Variants in KCNQ5 observed in about 807,000 individuals in gnomAD.
The protein encoded by KCNQ5 is potassium voltage-gated channel subfamily KQT member 5.
In KCNQ5, 30 loss-of-function variants were observed where a neutral mutation model predicts 98.2. The ratio of observed to expected loss-of-function variants is 0.31; its 90% confidence interval spans 0.23 to 0.41. The LOEUF (loss-of-function observed/expected upper bound fraction) is 0.41. Among genes scored for constraint, KCNQ5 ranks in the 10% least tolerant of loss-of-function variants. The pLI is 1.00. For synonymous variants in KCNQ5, 458 were observed against 449.4 expected, an observed-to-expected ratio of 1.02 and a Z score of -0.24; for missense variants, 835 against 1,182.5, an observed-to-expected ratio of 0.71 and a Z score of 4.31.
At chr6:72,878,734 T>C (rs932206729) in intron 1 of KCNQ5, among the ~76,000 whole-genome samples, 4 of 152,320 alleles carry the variant, frequency 2.6e-5, no homozygotes, top group South Asian at 2.1e-4. Context: ...ACCTTTAAAT[T>C]AGATTTTATT....
intron 1 of KCNQ5, among the ~76,000 whole-genome samples, chr6:72,879,899 G>A (rs1353590191): frequency 6.6e-6 from 1 of 152,034 alleles, no homozygotes; most frequent in African/African-American, 2.4e-5. Flanking sequence ...AGCCTCCTAA[G>A]CTGAATATTC....
intron 1 of KCNQ5, among the ~76,000 whole-genome samples, chr6:72,656,087 A>C (rs1175353274): frequency 6.6e-6 from 1 of 152,196 alleles, no homozygotes; most frequent in Non-Finnish European, 1.5e-5. Context: ...TCTCAGCTGC[A>C]GAGTACCACT....
chr6:73,063,914 A>G (rs965128719), intron 3 of KCNQ5, among the ~76,000 whole-genome samples: 3 of 152,148 alleles, frequency 2.0e-5, no homozygotes, highest in East Asian at 3.8e-4. Context: ...TCACACCCCA[A>G]TGTTTATCCC....
rs557278064 is a variant in KCNQ5, at chr6:73,008,147, C to CA, written c.489+4159dup. On this transcript the variant is annotated intron_variant, in intron 2 of 13. Coordinates refer to ENST00000370398, the MANE Select transcript of KCNQ5 (RefSeq NM_019842.4). ...AGAAAGGAATTCAAACATTTCACTA[C>CA]AAAAAAAAAATGAACTAAACACAAA... Among the ~76,000 whole-genome samples, 711 of 129,628 alleles carry CA rather than the reference C, an allele frequency of 5.5e-3. 4 individuals carry two copies. The highest frequency in any genetic ancestry group is 0.03 in the East Asian group (140 of 4,596). 85.0% of individuals were successfully genotyped at this position (129,628 alleles called of 152,430 possible). A position where few individuals can be genotyped will look rare whatever the true frequency, so the allele number is the denominator to read the frequency against.
chr6:72,787,017 A>G (rs1342252698), intron 1 of KCNQ5, among the ~76,000 whole-genome samples: 1 of 150,956 alleles, frequency 6.6e-6, no homozygotes, highest in Non-Finnish European at 1.5e-5. Flanking sequence ...AAAAAAAAAA[A>G]AAAAAAAAAA....
intron 3 of KCNQ5, among the ~76,000 whole-genome samples, chr6:73,043,654 A>T (rs1771822138): frequency 6.6e-6 from 1 of 152,222 alleles, no homozygotes; most frequent in South Asian, 2.1e-4. Flanking sequence ...GTTAGCCAAG[A>T]TTCACTCAAC....
chr6:73,144,703 T>C (rs1415221643), intron 10 of KCNQ5, among the ~76,000 whole-genome samples: 2 of 152,234 alleles, frequency 1.3e-5, no homozygotes, highest in African/African-American at 2.4e-5. Flanking sequence ...TTAAGTGAAC[T>C]GACTCATGCT....
At chr6:72,875,097 T>A (rs955575530) in intron 1 of KCNQ5, among the ~76,000 whole-genome samples, 1 of 152,162 alleles carries the variant, frequency 6.6e-6, no homozygotes, top group East Asian at 1.9e-4. Context: ...CCTGAAGGCA[T>A]TTAAAACCTT....
intron 1 of KCNQ5, among the ~76,000 whole-genome samples, chr6:72,760,058 T>G (rs1283625914): frequency 6.6e-6 from 1 of 152,138 alleles, no homozygotes; most frequent in Non-Finnish European, 1.5e-5. Context: ...TCAGCATTTC[T>G]TCCCCAGGAT....
chr6:72,912,559 T>G (rs1453045433), intron 1 of KCNQ5, among the ~76,000 whole-genome samples: 2 of 152,202 alleles, frequency 1.3e-5, no homozygotes, highest in Admixed American at 6.5e-5. Flanking sequence ...TCATGGGATA[T>G]TTTAGCTTGG....
At chr6:72,973,469 G>A (rs1343056383) in intron 1 of KCNQ5, among the ~76,000 whole-genome samples, 1 of 151,910 alleles carries the variant, frequency 6.6e-6, no homozygotes, top group Admixed American at 6.6e-5. Context: ...GAATTATTAT[G>A]GAAAATAATT....
At chr6:72,900,247 C>T (rs1207073539) in intron 1 of KCNQ5, among the ~76,000 whole-genome samples, 1 of 151,698 alleles carries the variant, frequency 6.6e-6, no homozygotes, top group Non-Finnish European at 1.5e-5. Context: ...GAATAATAGC[C>T]TCCAATCTCA....
chr6:72,930,273 G>A (rs554279204), intron 1 of KCNQ5, among the ~76,000 whole-genome samples: 7 of 152,102 alleles, frequency 4.6e-5, no homozygotes, highest in South Asian at 2.1e-4. Context: ...ATCCACTAAC[G>A]TATTAAATAT....
chr6:73,073,755 A>G (rs1477474409), intron 3 of KCNQ5, among the ~76,000 whole-genome samples: 2 of 152,212 alleles, frequency 1.3e-5, no homozygotes, highest in Non-Finnish European at 2.9e-5. Flanking sequence ...AGGGCTGTCC[A>G]TAGTTTCTAC....
chr6:72,642,647 T>C (rs541455987), intron 1 of KCNQ5, among the ~76,000 whole-genome samples: 9 of 152,278 alleles, frequency 5.9e-5, no homozygotes, highest in African/African-American at 2.2e-4. Context: ...GGAACTCTCA[T>C]AACCTGTTGG....
At chr6:72,856,193 A>C (rs551651609) in intron 1 of KCNQ5, among the ~76,000 whole-genome samples, 11 of 152,236 alleles carry the variant, frequency 7.2e-5, no homozygotes, top group African/African-American at 2.4e-4. Flanking sequence ...AACACACATA[A>C]AACTGGTTTA....
At chr6:72,821,415 C>T (rs894657667) in intron 1 of KCNQ5, among the ~76,000 whole-genome samples, 4 of 152,148 alleles carry the variant, frequency 2.6e-5, no homozygotes, top group Non-Finnish European at 4.4e-5. Context: ...CTGCAGCATG[C>T]ATATAAATAA....
At chr6:72,683,979 T>C (rs1767829979) in intron 1 of KCNQ5, among the ~76,000 whole-genome samples, 1 of 152,188 alleles carries the variant, frequency 6.6e-6, no homozygotes, top group South Asian at 2.1e-4. Flanking sequence ...TTAGTAATAA[T>C]GAAACTGAGA....
At chr6:72,787,412 A>G (rs2154478100) in intron 1 of KCNQ5, among the ~76,000 whole-genome samples, 1 of 152,272 alleles carries the variant, frequency 6.6e-6, no homozygotes, top group South Asian at 2.1e-4. Flanking sequence ...CATTACAGAA[A>G]ATGTTTGCCA....
Sources: allele counts gnomAD v4.1 joint callset (sites outside exome capture counted in the v4.1 genomes callset), GRCh38; gene constraint gnomAD v4.1.1; transcripts MANE v1.5; gene names NCBI Gene and HGNC (gene_info 2026-07-23, HGNC 2026-07-21).